The following CASP9 variants were observed in gnomAD, a reference collection of about 807,000 sequenced individuals.
CASP9 encodes caspase-9.
Under a neutral mutation model 43.5 loss-of-function variants are expected in CASP9, and 29 were observed. The observed-to-expected ratio is 0.67, with a 90% CI of 0.50 to 0.91. The LOEUF (loss-of-function observed/expected upper bound fraction) is 0.91. CASP9 is among the 40% of genes least tolerant of loss of function. The pLI is 0.00. For synonymous variants in CASP9, 206 were observed against 211.9 expected (o/e 0.97, Z 0.24); for missense variants, 575 against 537.4 (o/e 1.07, Z -0.69).
At position 15,514,953 on chromosome 1, in the gene CASP9, C is replaced by T. The variant is rs113690572; in HGVS notation, c.418+3157G>A. The stretch of plus-strand genomic sequence containing the variant: ...CTGGGAGGCAGAGGTTGCAGTGAGC[C>T]GAAAACACACCACCGCACTCCACCC... On this transcript the variant is annotated intron_variant, in intron 2 of 8. Transcript: ENST00000333868. 9.6e-3 allele frequency among the ~76,000 whole-genome samples: 1,454 copies of T among 151,878 alleles called. 23 individuals carry two copies. Among genetic ancestry groups the T allele is most frequent in the African/African-American group, 0.032 (1,332 of 41,418 alleles).
In CASP9 at chr1:15,493,974, C is replaced by G; in HGVS notation, c.1076G>C (p.Ser359Thr). Residue 359 changes from serine (S) to threonine (T), a missense_variant, in exon 8 of 9, where the codon AGT (serine) becomes ACT (threonine). By Grantham distance (58) the Ser-to-Thr change is moderately conservative. Coordinates refer to ENST00000333868, the MANE Select transcript of CASP9 (RefSeq NM_001229.5). ...PGFVSWRDPK[S>T]GSWYVETLDD... ...CAGGGTCTCAACGTACCAGGAGCCA[C>G]TCTTGGGGTCCCTCCAGGAAACAAA... is the stretch of plus-strand genomic sequence containing the variant. 1 of 1,600,322 alleles carries G rather than the reference C, an allele frequency of 6.2e-7. No individual in the cohort carries two copies. The highest frequency in any genetic ancestry group is 1.1e-5 in the South Asian group (1 of 88,964).
At chr1:15,524,631 A>C (rs1179603132), upstream of CASP9, 41 of 938,284 alleles carry the variant, frequency 4.4e-5, 1 homozygote, top group Admixed American at 1.6e-4. Context: ...CGCAGGACGC[A>C]TCTCCAACGC....
At chr1:15,508,205 GA>G (rs1162394598) in intron 2 of CASP9, among the ~76,000 whole-genome samples, 1 of 152,138 alleles carries the variant, frequency 6.6e-6, no homozygotes, top group Non-Finnish European at 1.5e-5. Flanking sequence ...CCCCAACATG[GA>G]AACAACCAAT....
intron 1 of CASP9, among the ~76,000 whole-genome samples, chr1:15,521,320 A>G (rs1270486450): frequency 6.7e-6 from 1 of 149,992 alleles, no homozygotes; most frequent in Admixed American, 6.6e-5. Flanking sequence ...GGCGTCAGGG[A>G]GCACTCTGCT....
Position 15,518,408 on chromosome 1 carries a change from A to G in CASP9, c.133-13T>C. 1 of 1,606,058 alleles carries G rather than the reference A, an allele frequency of 6.2e-7. No individual in the cohort carries two copies. The highest frequency in any genetic ancestry group is 8.5e-7 in the Non-Finnish European group (1 of 1,175,316). On this transcript the variant is annotated splice_polypyrimidine_tract_variant and intron_variant, in intron 1 of 8. Transcript: ENST00000333868. ...CAGAGCCTGCCCGCTGTTTGGAAAG[A>G]AAGGCAGGATACTAATTATCCACGT...
chr1:15,506,114 G>A (rs757775406), intron 4 of CASP9, 35 bp from the exon 5 acceptor site: 19 of 1,432,010 alleles, frequency 1.3e-5, no homozygotes, highest in South Asian at 3.4e-5. Flanking sequence ...CCAGAAGCAC[G>A]GATAGGTCTA....
At position 15,495,447 on chromosome 1, in the gene CASP9, T is replaced by C. The variant is rs564986405; in HGVS notation, c.874A>G (p.Lys292Glu). 7 of 1,588,206 alleles carry C rather than the reference T, an allele frequency of 4.4e-6. No homozygotes were observed. The East Asian group carries it at 1.6e-4, about 36-fold the overall frequency. ...GAGGCCACCTCAAACCCATGGTCTT[T>C]CTGCTCTGCAGGAAGCAGAAACAAA... ...FFIQACGGEQ[K>E]DHGFEVASTS... The change falls in exon 7 of 9, where the codon AAA becomes GAA. Residue 292 changes from lysine to glutamate, a missense_variant. Coordinates refer to ENST00000333868, the MANE Select transcript of CASP9 (RefSeq NM_001229.5).
At chr1:15,503,073 C>T (rs1709387679) in intron 6 of CASP9, among the ~76,000 whole-genome samples, 1 of 152,136 alleles carries the variant, frequency 6.6e-6, no homozygotes, top group Non-Finnish European at 1.5e-5. Context: ...ACTGTACACA[C>T]ACCAATTAGT....
chr1:15,505,114 T>A (rs1041085628), intron 5 of CASP9, among the ~76,000 whole-genome samples: 6 of 152,114 alleles, frequency 3.9e-5, no homozygotes, highest in African/African-American at 1.4e-4. Context: ...GACCTCCTAA[T>A]CAGCAGTATG....
chr1:15,524,450 CCCAT>C, upstream of CASP9: 1 of 1,084,934 alleles, frequency 9.2e-7, no homozygotes, highest in Non-Finnish European at 1.2e-6. Context: ...GGCCAAGCCT[CCCAT>C]CACCGCGCCG....
intron 3 of CASP9, 182 bp from the exon 4 acceptor site, chr1:15,507,257 C>A (rs949179266): frequency 1.6e-6 from 1 of 615,938 alleles, no homozygotes; most frequent in Non-Finnish European, 2.8e-6. Flanking sequence ...GGTGACCCCC[C>A]CATCTTGGTA....
At chr1:15,509,646 A>G (rs892921719) in intron 2 of CASP9, among the ~76,000 whole-genome samples, 9 of 151,810 alleles carry the variant, frequency 5.9e-5, no homozygotes, top group Non-Finnish European at 7.4e-5. Flanking sequence ...AAAAAAAAAA[A>G]AAAGAAAGAA....
intron 2 of CASP9, 60 bp downstream of exon 2, chr1:15,518,050 T>C (rs1202654267): frequency 4.5e-6 from 7 of 1,561,518 alleles, no homozygotes; most frequent in Non-Finnish European, 4.4e-6. Context: ...GCTGTACTCA[T>C]AGTGAGTCCC....
rs1418721511 is a variant in CASP9 at position 15,492,935 on chromosome 1, C to G, written c.*8G>C. The G allele has an allele frequency of 6.2e-7, 1 of 1,613,294 alleles. No homozygotes were observed. Among genetic ancestry groups the G allele is most frequent in the African/African-American group, 1.3e-5 (1 of 75,032 alleles). ...GTGCAAGATAAGGCAGGGTGAGGGG[C>G]CCTGGCCTTATGATGTTTTAAAGAA... On this transcript the variant is annotated 3_prime_UTR_variant, in exon 9 of 9. Coordinates refer to ENST00000333868, the MANE Select transcript of CASP9 (RefSeq NM_001229.5).
intron 6 of CASP9, among the ~76,000 whole-genome samples, chr1:15,498,583 A>ACT (rs1709200784): frequency 6.6e-6 from 1 of 152,014 alleles, no homozygotes; most frequent in Non-Finnish European, 1.5e-5. Flanking sequence ...TATCATAGGC[A>ACT]CTCACTCAAA....
At position 15,507,855 on chromosome 1, in the gene CASP9, A is replaced by C. The variant is rs750679711; in HGVS notation, c.453+18T>G. On this transcript the variant is annotated intron_variant, in intron 3 of 8. Coordinates refer to ENST00000333868, the MANE Select transcript of CASP9 (RefSeq NM_001229.5). Reference sequence around the variant, plus strand: ...GCCCAGAGCCCGAGCTACTGGCCCAAATTTCATGGAGACTCACCAAATCTG... The same window carrying C: ...GCCCAGAGCCCGAGCTACTGGCCCACATTTCATGGAGACTCACCAAATCTG... 1 of 1,613,958 alleles carries C rather than the reference A, an allele frequency of 6.2e-7. No individual in the cohort carries two copies. The highest frequency in any genetic ancestry group is 1.3e-5 in the African/African-American group (1 of 75,046).
chr1:15,502,834 G>A (rs898946110), intron 6 of CASP9, among the ~76,000 whole-genome samples: 1 of 152,206 alleles, frequency 6.6e-6, no homozygotes, highest in Non-Finnish European at 1.5e-5. Context: ...GGGACCGGAG[G>A]CTCCGAAGGA....
At chr1:15,494,706 A>G (rs923337857) in intron 7 of CASP9, among the ~76,000 whole-genome samples, 2 of 151,730 alleles carry the variant, frequency 1.3e-5, no homozygotes, top group African/African-American at 2.4e-5. Context: ...TACTAAAAAT[A>G]CAAAAAATTA....
At chr1:15,495,015 C>T (rs574250213) in intron 7 of CASP9, among the ~76,000 whole-genome samples, 14 of 152,110 alleles carry the variant, frequency 9.2e-5, no homozygotes, top group South Asian at 8.3e-4. Context: ...GCTAAAGATG[C>T]GAAGGCAGAG....
Sources: gnomAD v4.1 joint callset for allele counts (sites outside exome capture counted in the v4.1 genomes callset) on GRCh38, gnomAD v4.1.1 for gene constraint, MANE v1.5 for transcripts, NCBI Gene and HGNC (gene_info 2026-07-23, HGNC 2026-07-21) for gene names.